The following NKAIN2 variants were observed in gnomAD, a reference collection of about 807,000 sequenced individuals.
NKAIN2 encodes sodium/potassium transporting ATPase interacting 2, also known as sodium/potassium-transporting ATPase subunit beta-1-interacting protein 2.
Under a neutral mutation model 32.6 loss-of-function variants are expected in NKAIN2, and 14 were observed. That is an observed-to-expected ratio of 0.43 (90% CI 0.28 to 0.67). The LOEUF (loss-of-function observed/expected upper bound fraction) is 0.67, where lower values mean the gene tolerates loss of function less well. NKAIN2 is among the 30% of genes least tolerant of loss of function. NKAIN2 has a pLI of 0.17. For synonymous variants in NKAIN2, 80 were observed against 87.2 expected (o/e 0.92, Z 0.46); for missense variants, 198 against 258.3 (o/e 0.77, Z 1.60).
At chr6:124,422,281 G>A (rs1583227634) in intron 3 of NKAIN2, among the ~76,000 whole-genome samples, 2 of 151,866 alleles carry the variant, frequency 1.3e-5, no homozygotes, top group East Asian at 3.9e-4. Flanking sequence ...TCTTAAGTAA[G>A]TTACCAAATT....
At chr6:124,573,993 C>G (rs1451204277) in intron 3 of NKAIN2, among the ~76,000 whole-genome samples, 2 of 152,128 alleles carry the variant, frequency 1.3e-5, no homozygotes, top group Admixed American at 1.3e-4. Context: ...TAACCAGAAG[C>G]AGTTCCTTCT....
chr6:124,812,427 T>C (rs1484119992), intron 5 of NKAIN2, among the ~76,000 whole-genome samples: 2 of 152,174 alleles, frequency 1.3e-5, no homozygotes. Flanking sequence ...TGTTCTGGGT[T>C]CTGAGGCTAA....
At chr6:124,085,733 T>G (rs900412274) in intron 1 of NKAIN2, among the ~76,000 whole-genome samples, 3 of 151,968 alleles carry the variant, frequency 2.0e-5, no homozygotes, top group Non-Finnish European at 4.4e-5. Context: ...CCTGCCCTCC[T>G]GGAGATCTTA....
At chr6:124,570,620 G>T (rs1781090275) in intron 3 of NKAIN2, among the ~76,000 whole-genome samples, 1 of 152,214 alleles carries the variant, frequency 6.6e-6, no homozygotes, top group Non-Finnish European at 1.5e-5. Flanking sequence ...AATAATTGAG[G>T]TTCGAGAACC....
chr6:124,375,110 G>A (rs909792487), intron 3 of NKAIN2, among the ~76,000 whole-genome samples: 1 of 151,872 alleles, frequency 6.6e-6, no homozygotes, highest in Non-Finnish European at 1.5e-5. Flanking sequence ...TTAGACATGA[G>A]ACATGAGAAA....
intron 1 of NKAIN2, among the ~76,000 whole-genome samples, chr6:124,197,752 A>ATCTCCTCTC (rs1790384202): frequency 6.6e-6 from 1 of 151,172 alleles, no homozygotes; most frequent in African/African-American, 2.4e-5. Context: ...TTGGTAATCA[A>ATCTCCTCTC]TCTCCTCTCT....
chr6:124,616,437 C>CTTTTTTTTTTTTTTTTTTTTTTTTTTTT (rs79406895), intron 3 of NKAIN2, among the ~76,000 whole-genome samples: 2 of 70,466 alleles, frequency 2.8e-5, no homozygotes, highest in African/African-American at 1.4e-4. Context: ...TCTTTTCTTT[C>CTTTTTTTTTTTTTTTTTTTTTTTTTTTT]TTTTTTTTTT....
chr6:124,635,080 AAGAAAGAAAG>A (rs200958123), intron 3 of NKAIN2, among the ~76,000 whole-genome samples: 1,850 of 148,722 alleles, frequency 0.012, 20 homozygotes, highest in Non-Finnish European at 0.017. Context: ...AAAAAAGACA[AAGAAAGAAAG>A]AGAAAGAAAG....
chr6:124,630,558 G>A (rs1783524297), intron 3 of NKAIN2, among the ~76,000 whole-genome samples: 1 of 152,048 alleles, frequency 6.6e-6, no homozygotes, highest in Non-Finnish European at 1.5e-5. Flanking sequence ...CAGTCCTACT[G>A]TCTTAGTTTG....
intron 4 of NKAIN2, among the ~76,000 whole-genome samples, chr6:124,689,765 T>G (rs1262550183): frequency 6.6e-6 from 1 of 152,220 alleles, no homozygotes; most frequent in Non-Finnish European, 1.5e-5. Context: ...AAGATTAGTT[T>G]GACTATATTA....
At chr6:123,868,423 T>C (rs1467560408) in intron 1 of NKAIN2, among the ~76,000 whole-genome samples, 2 of 152,184 alleles carry the variant, frequency 1.3e-5, no homozygotes, top group East Asian at 3.8e-4. Flanking sequence ...AGAAGAGTTT[T>C]TGTACGTATT....
At chr6:124,194,695 C>T (rs1425886851) in intron 1 of NKAIN2, among the ~76,000 whole-genome samples, 2 of 151,862 alleles carry the variant, frequency 1.3e-5, no homozygotes, top group Non-Finnish European at 2.9e-5. Context: ...TATATTATGT[C>T]TTTTTATTTC....
chr6:124,347,887 T>A (rs975766498), intron 2 of NKAIN2, among the ~76,000 whole-genome samples: 4 of 152,222 alleles, frequency 2.6e-5, no homozygotes, highest in African/African-American at 9.6e-5. Flanking sequence ...AGGAACTGCG[T>A]TCCTTTGGAG....
At chr6:124,133,414 T>G (rs956312360) in intron 1 of NKAIN2, among the ~76,000 whole-genome samples, 10 of 152,044 alleles carry the variant, frequency 6.6e-5, no homozygotes, top group Non-Finnish European at 1.5e-4. Flanking sequence ...CACTCTTCAC[T>G]CTGATAGAAC....
At chr6:124,765,242 T>C (rs1778459983) in intron 4 of NKAIN2, among the ~76,000 whole-genome samples, 1 of 152,186 alleles carries the variant, frequency 6.6e-6, no homozygotes, top group Non-Finnish European at 1.5e-5. Flanking sequence ...CTTCTCTCCG[T>C]TCTGTAAGAA....
chr6:123,989,452 A>C (rs1261806055), intron 1 of NKAIN2, among the ~76,000 whole-genome samples: 2 of 152,202 alleles, frequency 1.3e-5, no homozygotes, highest in Non-Finnish European at 2.9e-5. Flanking sequence ...GAACCTTAAC[A>C]GTTATAGCAA....
At position 124,318,616 on chromosome 6, in the gene NKAIN2, G is replaced by T. The variant is rs545458562; in HGVS notation, c.192+35474G>T. Among the ~76,000 whole-genome samples, 9 of 151,874 alleles carry T rather than the reference G, an allele frequency of 5.9e-5. No homozygotes were observed. The South Asian group carries it at 1.9e-3, about 32-fold the overall frequency. On this transcript the variant is annotated intron_variant, in intron 2 of 6. Transcript: ENST00000368417. ...TTGTTTTCTTTACTTCAACTTATCTGTCTTTGTCTTAAATCTCCTCAGTTT... is the reference window on the plus strand; with the variant it reads ...TTGTTTTCTTTACTTCAACTTATCTTTCTTTGTCTTAAATCTCCTCAGTTT...
In NKAIN2 at chr6:123,979,581, T is replaced by G. The variant is rs113763552; in HGVS notation, c.54+175327T>G. 1.9e-4 allele frequency among the ~76,000 whole-genome samples: 29 copies of G among 152,252 alleles called. No homozygotes were observed. The South Asian group carries it at 5.8e-3, about 30-fold the overall frequency. ...AGTATCTCTGTAGCCATTTATTTGG[T>G]TTTCGATTTAAGAAGACCCGCACCT... On this transcript the variant is annotated intron_variant, in intron 1 of 6. Coordinates refer to ENST00000368417, the MANE Select transcript of NKAIN2 (RefSeq NM_001040214.3).
chr6:124,484,021 A>G (rs557334623), intron 3 of NKAIN2, among the ~76,000 whole-genome samples: 1 of 152,342 alleles, frequency 6.6e-6, no homozygotes, highest in African/African-American at 2.4e-5. Context: ...GAACTATGTC[A>G]GGAGCACCAT....
Sources: allele counts gnomAD v4.1 joint callset (sites outside exome capture counted in the v4.1 genomes callset), GRCh38; gene constraint gnomAD v4.1.1; transcripts MANE v1.5; gene names NCBI Gene and HGNC (gene_info 2026-07-23, HGNC 2026-07-21).